The following PICALM variants were observed in gnomAD, a reference collection of about 807,000 sequenced individuals.
The protein encoded by PICALM is phosphatidylinositol binding clathrin assembly protein.
PICALM carries 40 observed loss-of-function variants against 80.5 expected under a neutral mutation model. That is an observed-to-expected ratio of 0.50 (90% CI 0.39 to 0.65). PICALM has a LOEUF of 0.65. Among genes scored for constraint, PICALM ranks in the 30% least tolerant of loss-of-function variants. The probability of loss-of-function intolerance (pLI) is 0.00; values close to 1 mark genes in which losing one functional copy is unlikely to be tolerated. For missense variants in PICALM, 676 were observed against 778.9 expected (o/e 0.87, Z 1.57); for synonymous variants, 288 against 260.3 (o/e 1.11, Z -1.02).
At chr11:85,961,668 T>C (rs1354472888) in intron 19 of PICALM, among the ~76,000 whole-genome samples, 1 of 152,190 alleles carries the variant, frequency 6.6e-6, no homozygotes, top group Non-Finnish European at 1.5e-5. Context: ...TTTAATTCTT[T>C]TTCTCCCTCT....
intron 5 of PICALM, among the ~76,000 whole-genome samples, chr11:86,013,934 C>A (rs1263106059): frequency 1.3e-5 from 2 of 152,126 alleles, no homozygotes; most frequent in Admixed American, 6.5e-5. Flanking sequence ...ATTGAGGACA[C>A]TGAAGTTGGA....
At chr11:86,022,504 G>A (rs762163855) in intron 3 of PICALM, 35 bp from the exon 4 acceptor site, 7 of 1,136,434 alleles carry the variant, frequency 6.2e-6, no homozygotes, top group Non-Finnish European at 4.9e-6. Context: ...AAAACAAAGA[G>A]AGAGACAAGT....
At chr11:85,978,843 TTAATA>T (rs756784223) in intron 17 of PICALM, 12 of 148,986 alleles carry the variant, frequency 8.1e-5, no homozygotes, top group East Asian at 1.9e-4. Context: ...TAATACTAAC[TTAATA>T]TAAGAAAATA....
chr11:86,052,956 A>G (rs1337030898), intron 1 of PICALM, among the ~76,000 whole-genome samples: 1 of 152,170 alleles, frequency 6.6e-6, no homozygotes, highest in Non-Finnish European at 1.5e-5. Flanking sequence ...TCCACCTGAA[A>G]TGCCTAGTGT....
At chr11:85,966,961 C>A (rs1414157273) in intron 19 of PICALM, among the ~76,000 whole-genome samples, 1 of 152,184 alleles carries the variant, frequency 6.6e-6, no homozygotes, top group African/African-American at 2.4e-5. Context: ...AAACAAATTT[C>A]TGTTTTAATT....
At chr11:86,045,623 G>A (rs2096061028) in intron 1 of PICALM, among the ~76,000 whole-genome samples, 1 of 148,006 alleles carries the variant, frequency 6.8e-6, no homozygotes, top group Non-Finnish European at 1.5e-5. Flanking sequence ...CCTGACAAAT[G>A]TCTTTCTTAA....
chr11:86,020,054 T>C (rs1260738440), intron 4 of PICALM, among the ~76,000 whole-genome samples: 3 of 152,150 alleles, frequency 2.0e-5, no homozygotes, highest in African/African-American at 7.2e-5. Context: ...AGGAAAAAAA[T>C]CTGCATATCA....
chr11:86,004,730 G>C (rs2136164955), intron 8 of PICALM, among the ~76,000 whole-genome samples: 1 of 152,106 alleles, frequency 6.6e-6, no homozygotes, highest in Middle Eastern at 3.4e-3. Flanking sequence ...ATAGTTAAAG[G>C]GGCAATACCT....
intron 1 of PICALM, among the ~76,000 whole-genome samples, chr11:86,046,946 T>C (rs1049246669): frequency 6.6e-6 from 1 of 152,242 alleles, no homozygotes; most frequent in Non-Finnish European, 1.5e-5. Context: ...CCAAGATTTC[T>C]TTATACATTA....
chr11:86,059,135 C>T (rs1421062258), intron 1 of PICALM, among the ~76,000 whole-genome samples: 1 of 152,118 alleles, frequency 6.6e-6, no homozygotes, highest in East Asian at 1.9e-4. Flanking sequence ...TCCATAGTCA[C>T]CATAAAAAAT....
chr11:85,976,517 A>G, intron 18 of PICALM, 106 bp downstream of exon 18: 1 of 701,046 alleles, frequency 1.4e-6, no homozygotes, highest in Non-Finnish European at 2.6e-6. Context: ...CACTAGGGCT[A>G]GGAGTATGAG....
At chr11:86,061,931 A>G (rs909527405) in intron 1 of PICALM, among the ~76,000 whole-genome samples, 12 of 150,148 alleles carry the variant, frequency 8.0e-5, no homozygotes, top group Non-Finnish European at 1.6e-4. Context: ...AGTGCAAAAG[A>G]AAAAAAAAAG....
At chr11:85,981,285 C>T in intron 16 of PICALM, 57 bp from the exon 17 acceptor site, 1 of 1,033,190 alleles carries the variant, frequency 9.7e-7, no homozygotes, top group South Asian at 1.3e-5. Flanking sequence ...GTTTCCTTAG[C>T]TATATACTTA....
chr11:85,963,920 C>CTTTT (rs10686143), intron 19 of PICALM, among the ~76,000 whole-genome samples: 6,583 of 72,710 alleles, frequency 0.091, 568 homozygotes, highest in East Asian at 0.23. Context: ...CCACACCTGG[C>CTTTT]TTTTTTTTTT....
chr11:85,996,709 T>G, intron 12 of PICALM, 117 bp downstream of exon 12: 1 of 643,914 alleles, frequency 1.6e-6, no homozygotes, highest in Non-Finnish European at 2.7e-6. Flanking sequence ...ATTGCCATTT[T>G]AATACTTATC....
intron 1 of PICALM, among the ~76,000 whole-genome samples, chr11:86,040,845 A>C (rs2137042614): frequency 6.6e-6 from 1 of 152,322 alleles, no homozygotes; most frequent in Non-Finnish European, 1.5e-5. Flanking sequence ...GGATTCACCT[A>C]AGTATATGCC....
At position 86,011,953 on chromosome 11, in the gene PICALM, C is replaced by G. The variant is rs563503040; in HGVS notation, c.658+328G>C. On this transcript the variant is annotated intron_variant, in intron 6 of 19. Coordinates refer to ENST00000393346, the MANE Select transcript of PICALM (RefSeq NM_007166.4). ...GCAACCTCCGCCTCCTGGGTTCAAG[C>G]AATTCTCCTGCCTCAGCCTAAAACT... Among the ~76,000 whole-genome samples, 13 of 151,240 alleles carry G rather than the reference C, an allele frequency of 8.6e-5. No individual in the cohort carries two copies. The South Asian group carries it at 2.1e-3, about 24-fold the overall frequency.
intron 18 of PICALM, among the ~76,000 whole-genome samples, chr11:85,975,691 G>T (rs559268229): frequency 6.8e-6 from 1 of 147,066 alleles, no homozygotes; most frequent in African/African-American, 2.5e-5. Context: ...CTGCCTCCTG[G>T]GTTCAAGCCA....
At chr11:86,050,130 A>G (rs903083791) in intron 1 of PICALM, among the ~76,000 whole-genome samples, 41 of 147,138 alleles carry the variant, frequency 2.8e-4, no homozygotes, top group African/African-American at 1.0e-3. Flanking sequence ...CCTTGAACCC[A>G]GGAGGCGGAG....
Sources: gnomAD v4.1 joint callset for allele counts (sites outside exome capture counted in the v4.1 genomes callset) on GRCh38, gnomAD v4.1.1 for gene constraint, MANE v1.5 for transcripts, NCBI Gene and HGNC (gene_info 2026-07-23, HGNC 2026-07-21) for gene names.